Variants in CD276 observed in about 807,000 individuals in gnomAD.
CD276 encodes the protein CD276 molecule.
A neutral mutation model predicts 50.0 loss-of-function variants in CD276; 34 were observed. That is an observed-to-expected ratio of 0.68 (90% confidence interval 0.52 to 0.91). The LOEUF (loss-of-function observed/expected upper bound fraction) is 0.91. Among genes scored for constraint, CD276 ranks in the 40% least tolerant of loss-of-function variants. The probability of loss-of-function intolerance (pLI) is 0.00; values close to 1 mark genes in which losing one functional copy is unlikely to be tolerated. For missense variants in CD276, 634 were observed against 717.5 expected, an observed-to-expected ratio of 0.88 and a Z score of 1.33; for synonymous variants, 275 against 313.0, an observed-to-expected ratio of 0.88 and a Z score of 1.28.
chr15:73,690,243 A>G (rs1334322765), intron 1 of CD276, among the ~76,000 whole-genome samples: 1 of 152,230 alleles, frequency 6.6e-6, no homozygotes, highest in Non-Finnish European at 1.5e-5. Flanking sequence ...TAAGGATGCA[A>G]TAGTTAAATA....
intron 2 of CD276, among the ~76,000 whole-genome samples, chr15:73,701,147 CGGCCTCCCATGCCG>C (rs1455936852): frequency 6.6e-6 from 1 of 151,632 alleles, no homozygotes; most frequent in Non-Finnish European, 1.5e-5. Context: ...CCACCTGCCT[CGGCCTCCCATGCCG>C]GGCCTTTTCC....
rs199982038 is a variant in CD276, at chr15:73,703,885, A to G, written c.960A>G (p.Gln320=). Residue 320 remains glutamine (Q), a synonymous_variant, in exon 5 of 10, where the codon CAA becomes CAG. Coordinates refer to ENST00000318443, the MANE Select transcript of CD276 (RefSeq NM_001024736.2). ...RTALFPDLLA[Q]GNASLRLQRV... is the part of the protein sequence containing the mutation. ...CCCTCTTCCCGGACCTGCTGGCACA[A>G]GGCAATGCATCCCTGAGGCTGCAGC... is the stretch of plus-strand genomic sequence containing the variant. The G allele has an allele frequency of 4.3e-6, 7 of 1,613,712 alleles. No homozygotes were observed. The East Asian group carries it at 6.7e-5, about 15-fold the overall frequency.
intron 1 of CD276, among the ~76,000 whole-genome samples, chr15:73,692,050 G>A (rs1019550345): frequency 2.6e-5 from 4 of 152,088 alleles, no homozygotes; most frequent in African/African-American, 7.2e-5. Flanking sequence ...CCCCATCTAC[G>A]TCCCTCACTA....
rs1214357896 is a variant in CD276, at chr15:73,713,809, T to C, written c.*853T>C. On this transcript the variant is annotated 3_prime_UTR_variant, in exon 10 of 10. Transcript: ENST00000318443. ...GCTTCTGTCCCTCTGCCTTCTCACC[T>C]CTTTGTTCCTTTCTTTTCATGTATC... The C allele has an allele frequency of 4.5e-6, 2 of 442,724 alleles. No homozygotes were observed. The highest frequency in any genetic ancestry group is 3.2e-5 in the South Asian group (2 of 62,310). 27.4% of individuals were successfully genotyped at this position (442,724 alleles called of 1,614,324 possible).
chr15:73,702,779 C>T lies in CD276; in HGVS notation c.426C>T (p.Tyr142=). The T allele has an allele frequency of 6.2e-7, 1 of 1,611,350 alleles. No individual in the cohort carries two copies. ...AAVSLQVAAP[Y]SKPSMTLEPN... is the part of the protein sequence containing the mutation. ...GCCCTCTGTCACCTCCAGCTCCCTA[C>T]TCGAAGCCCAGCATGACCCTGGAGC... The change falls in exon 4 of 10, where the codon TAC becomes TAT. Residue 142 remains tyrosine (Y), a synonymous_variant. Coordinates refer to ENST00000318443, the MANE Select transcript of CD276 (RefSeq NM_001024736.2).
In CD276 at chr15:73,700,207, A is replaced by G. The variant is rs80004214; in HGVS notation, c.79+489A>G. ...GTTTGCTTGCTTCCTCCCTGTTCAA[A>G]GAGCAGGGTCCATCTCAGGGCCAGA... On this transcript the variant is annotated intron_variant, in intron 2 of 9. Transcript: ENST00000318443. Among the ~76,000 whole-genome samples, 508 of 152,234 alleles carry G rather than the reference A, an allele frequency of 3.3e-3. 17 individuals carry two copies. In the East Asian group the frequency reaches 0.074, roughly 22 times the overall value.
chr15:73,708,306 T>C (rs779665599), intron 6 of CD276, 33 bp from the exon 7 acceptor site: 113 of 1,610,068 alleles, frequency 7.0e-5, no homozygotes, highest in Non-Finnish European at 8.5e-7. Context: ...GGGCCAGGCA[T>C]GACAGTCTCA....
At chr15:73,686,984 A>C (rs1596000377) in intron 1 of CD276, among the ~76,000 whole-genome samples, 1 of 151,958 alleles carries the variant, frequency 6.6e-6, no homozygotes, top group East Asian at 1.9e-4. Context: ...CCAGGGCAGG[A>C]GTGTTAGGGA....
At chr15:73,696,191 G>A (rs774651908) in intron 1 of CD276, among the ~76,000 whole-genome samples, 10 of 152,220 alleles carry the variant, frequency 6.6e-5, no homozygotes, top group Non-Finnish European at 1.3e-4. Flanking sequence ...GGCACTGGCA[G>A]GTGACTCACC....
Position 73,699,702 on chromosome 15 carries a change from G to A in CD276, c.63G>A (p.Leu21=), listed in dbSNP as rs777561297. Residue 21 remains leucine (L), a synonymous_variant, in exon 2 of 10, where the codon CTG becomes CTA. Transcript: ENST00000318443. ...ATGTGGGTGCAGCCCTGGGAGCACT[G>A]TGGTTCTGCCTCACAGGTGAGGGTA... ...GVHVGAALGA[L]WFCLTGALEV... is the part of the protein sequence containing the mutation. 5.6e-6 allele frequency: 9 copies of A among 1,608,270 alleles called. No homozygotes were observed. Among genetic ancestry groups the A allele is most frequent in the South Asian group, 4.4e-5 (4 of 90,202 alleles).
At chr15:73,701,908 G>T (rs987721166) in intron 2 of CD276, among the ~76,000 whole-genome samples, 7 of 152,200 alleles carry the variant, frequency 4.6e-5, no homozygotes, top group Admixed American at 6.5e-5. Flanking sequence ...TTGAAAAGCT[G>T]TTGCTTTACT....
At chr15:73,695,856 G>A (rs567027958) in intron 1 of CD276, among the ~76,000 whole-genome samples, 14 of 152,348 alleles carry the variant, frequency 9.2e-5, no homozygotes, top group South Asian at 2.1e-4. Context: ...GAGCCCCTGC[G>A]GGGATTGGGA....
rs1899812320 is a variant in CD276, at chr15:73,687,394, G to C, written c.-55+2934G>C. On this transcript the variant is annotated intron_variant, in intron 1 of 9. Coordinates refer to ENST00000318443, the MANE Select transcript of CD276 (RefSeq NM_001024736.2). This position sits in a 1 kb window ranked among gnomAD's most constrained non-coding sequence, Gnocchi z 4.0. ...AGCCGGCAAATGGTGGAGCTGGGCT[G>C]TTGTCTGCTTCCAGAACTGGCTTTT... is the stretch of plus-strand genomic sequence containing the variant. Among the ~76,000 whole-genome samples, 1 of 152,196 alleles carries C rather than the reference G, an allele frequency of 6.6e-6. No homozygotes were observed. Among genetic ancestry groups the C allele is most frequent in the African/African-American group, 2.4e-5 (1 of 41,452 alleles).
In CD276 at chr15:73,713,141, C is replaced by A; in HGVS notation, c.*185C>A. 1.8e-6 allele frequency: 1 copy of A among 561,896 alleles called. No homozygotes were observed. The highest frequency in any genetic ancestry group is 2.6e-5 in the South Asian group (1 of 38,798). The allele number at this position is 561,896 out of a possible 1,614,324, so 34.8% of individuals were successfully genotyped here. ...TCTCCAATGGACATGATTCCCAAGT[C>A]ATCCTGCTGCCTTTTTTCTTATAGA... is the stretch of plus-strand genomic sequence containing the variant. On this transcript the variant is annotated 3_prime_UTR_variant, in exon 10 of 10. Coordinates refer to ENST00000318443, the MANE Select transcript of CD276 (RefSeq NM_001024736.2).
chr15:73,685,571 G>A (rs1899726694), intron 1 of CD276, among the ~76,000 whole-genome samples: 2 of 152,028 alleles, frequency 1.3e-5, no homozygotes, highest in Admixed American at 1.3e-4. Context: ...AATTGTAAAT[G>A]AGTCTGATCT....
intron 1 of CD276, 166 bp downstream of exon 1, chr15:73,684,626 G>T (rs1157556273): frequency 6.6e-6 from 1 of 152,284 alleles, no homozygotes; most frequent in African/African-American, 2.4e-5. Flanking sequence ...CCAGGTCCGG[G>T]CGGCCCCCCT....
At chr15:73,684,145 T>G (rs1899639078), upstream of CD276, 1 of 136,676 alleles carries the variant, frequency 7.3e-6, no homozygotes, top group Non-Finnish European at 1.6e-5. Context: ...GGCAGCGCCC[T>G]GCTCCGGGAG....
chr15:73,705,098 G>A (rs535220421), intron 6 of CD276, among the ~76,000 whole-genome samples: 1 of 152,314 alleles, frequency 6.6e-6, no homozygotes, highest in South Asian at 2.1e-4. Context: ...GTGTGAAGAG[G>A]GTTGAGGTCA....
intron 9 of CD276, 112 bp from the exon 10 acceptor site, chr15:73,712,822 C>A (rs1900961671): frequency 9.1e-7 from 1 of 1,093,302 alleles, no homozygotes; most frequent in East Asian, 2.4e-5. Flanking sequence ...ACACACACTC[C>A]CCACTTGAAG....
Sources: allele counts gnomAD v4.1 joint callset (sites outside exome capture counted in the v4.1 genomes callset), GRCh38; gene constraint gnomAD v4.1.1; non-coding constraint Gnocchi (gnomAD v3.1); transcripts MANE v1.5; gene names NCBI Gene and HGNC (gene_info 2026-07-23, HGNC 2026-07-21).